SNTG2: variants seen among roughly 807,000 people sequenced by gnomAD.
SNTG2 encodes gamma-2-syntrophin.
In SNTG2, 74 loss-of-function variants were observed where a neutral mutation model predicts 70.9. The observed-to-expected ratio is 1.04, with a 90% CI of 0.86 to 1.27. The LOEUF (loss-of-function observed/expected upper bound fraction) is 1.27, where lower values mean the gene tolerates loss of function less well. Ranked by LOEUF, SNTG2 falls within the 50% of genes most tolerant of loss-of-function variation. SNTG2 has a pLI of 0.00. For missense variants in SNTG2, 717 were observed against 690.7 expected (o/e 1.04, Z -0.43); for synonymous variants, 278 against 273.8 (o/e 1.02, Z -0.15).
rs4971364 is a variant in SNTG2, at chr2:1,156,904, T to G, written c.412-8644T>G. On this transcript the variant is annotated intron_variant, in intron 6 of 16. Coordinates refer to ENST00000308624, the MANE Select transcript of SNTG2 (RefSeq NM_018968.4). The stretch of plus-strand genomic sequence containing the variant: ...AACAGAGGTTTCCACGGTGATTGGA[T>G]GTGTGGCTGAGGAAGGTGGACAGTG... Among the ~76,000 whole-genome samples the G allele has an allele frequency of 2.6e-5, 4 of 151,592 alleles. No individual in the cohort carries two copies. The South Asian group carries it at 6.2e-4, about 24-fold the overall frequency.
intron 6 of SNTG2, among the ~76,000 whole-genome samples, chr2:1,144,255 G>A (rs1233789233): frequency 6.6e-6 from 1 of 152,034 alleles, no homozygotes; most frequent in Non-Finnish European, 1.5e-5. Flanking sequence ...AGTTGACAAC[G>A]GACAACCCAC....
intron 1 of SNTG2, among the ~76,000 whole-genome samples, chr2:1,036,313 T>A (rs1020986273): frequency 7.9e-5 from 12 of 152,150 alleles, no homozygotes; most frequent in Non-Finnish European, 1.5e-4. Flanking sequence ...ATAGCAGGAA[T>A]CACTTCCTCT....
intron 2 of SNTG2, among the ~76,000 whole-genome samples, chr2:1,095,817 C>G (rs1274280330): frequency 4.6e-5 from 7 of 152,152 alleles, no homozygotes; most frequent in Non-Finnish European, 1.0e-4. Flanking sequence ...TTCAGAAATT[C>G]CATACAGAGA....
chr2:1,171,234 A>G (rs1209503692), intron 7 of SNTG2, among the ~76,000 whole-genome samples: 2 of 152,210 alleles, frequency 1.3e-5, no homozygotes, highest in South Asian at 2.1e-4. Context: ...CAAGATACCT[A>G]TTCATCAGAA....
intron 1 of SNTG2, among the ~76,000 whole-genome samples, chr2:1,027,738 T>C (rs7578462): frequency 0.43 from 7,794 of 18,150 alleles, 2,459 homozygotes; most frequent in African/African-American, 0.8. Flanking sequence ...AGTAGGTCAG[T>C]AGGTGCATCA....
chr2:1,060,046 T>C (rs1271572539), intron 1 of SNTG2, among the ~76,000 whole-genome samples: 1 of 152,186 alleles, frequency 6.6e-6, no homozygotes, highest in African/African-American at 2.4e-5. Context: ...AGGATTACAT[T>C]TTATCCCTAC....
At chr2:1,203,561 C>T (rs564037867) in intron 8 of SNTG2, among the ~76,000 whole-genome samples, 16 of 150,758 alleles carry the variant, frequency 1.1e-4, no homozygotes, top group Admixed American at 2.6e-4. Context: ...GGCTGGGGCA[C>T]GAGAATTGTT....
At chr2:1,303,911 C>A (rs1680565982) in intron 14 of SNTG2, among the ~76,000 whole-genome samples, 1 of 152,236 alleles carries the variant, frequency 6.6e-6, no homozygotes, top group South Asian at 2.1e-4. Context: ...AACTCCATCA[C>A]TGTAGAGTCT....
intron 4 of SNTG2, among the ~76,000 whole-genome samples, chr2:1,111,797 G>A (rs1246444475): frequency 2.0e-5 from 3 of 152,232 alleles, no homozygotes; most frequent in Non-Finnish European, 4.4e-5. Flanking sequence ...AAGATCGTGT[G>A]TACTAAGTGA....
At chr2:1,193,028 A>G (rs1031158633) in intron 8 of SNTG2, among the ~76,000 whole-genome samples, 1 of 152,196 alleles carries the variant, frequency 6.6e-6, no homozygotes, top group African/African-American at 2.4e-5. Flanking sequence ...AGACCCCTCT[A>G]TGAGGGGCTC....
At chr2:1,221,493 C>CTCTGTCTCTG (rs1674848830) in intron 9 of SNTG2, among the ~76,000 whole-genome samples, 1 of 16,812 alleles carries the variant, frequency 5.9e-5, no homozygotes, top group Non-Finnish European at 1.4e-4. Context: ...CTCTCTGTCT[C>CTCTGTCTCTG]TCTCTGTCTC....
At chr2:1,168,071 A>G (rs1298088696) in intron 7 of SNTG2, among the ~76,000 whole-genome samples, 1 of 138,108 alleles carries the variant, frequency 7.2e-6, no homozygotes, top group African/African-American at 2.9e-5. Flanking sequence ...CACAGACGGC[A>G]GAACTGAAAC....
At chr2:1,163,456 G>A (rs1670475801) in intron 6 of SNTG2, 1 of 151,670 alleles carries the variant, frequency 6.6e-6, no homozygotes, top group Admixed American at 6.6e-5. Flanking sequence ...CTCCCAACAG[G>A]AGGTGGGTGT....
At chr2:1,113,132 C>G (rs1340857403) in intron 4 of SNTG2, among the ~76,000 whole-genome samples, 1 of 150,768 alleles carries the variant, frequency 6.6e-6, no homozygotes, top group Non-Finnish European at 1.5e-5. Context: ...AGGTTTAACC[C>G]TTACAGTCCT....
At chr2:1,237,374 T>C (rs1271134398) in intron 9 of SNTG2, among the ~76,000 whole-genome samples, 5 of 152,076 alleles carry the variant, frequency 3.3e-5, no homozygotes, top group African/African-American at 1.2e-4. Flanking sequence ...TTTGAGACGG[T>C]TGGTTGTTAA....
At chr2:1,288,196 A>G (rs1679844494) in intron 14 of SNTG2, among the ~76,000 whole-genome samples, 1 of 152,188 alleles carries the variant, frequency 6.6e-6, no homozygotes, top group Admixed American at 6.5e-5. Flanking sequence ...TTTGGGCGGC[A>G]CTTATGTTCT....
intron 1 of SNTG2, among the ~76,000 whole-genome samples, chr2:1,066,499 T>C (rs1191200841): frequency 6.6e-6 from 1 of 151,968 alleles, no homozygotes; most frequent in Non-Finnish European, 1.5e-5. Context: ...TTCAGAAAGC[T>C]GTAGTGGTCA....
chr2:1,324,502 G>A (rs1168258668), intron 16 of SNTG2, among the ~76,000 whole-genome samples: 1 of 152,190 alleles, frequency 6.6e-6, no homozygotes, highest in Non-Finnish European at 1.5e-5. Context: ...AAAACTTCAT[G>A]AATAAAATTA....
At chr2:1,222,119 C>CTGCCTA (rs1228556001) in intron 9 of SNTG2, among the ~76,000 whole-genome samples, 4 of 107,666 alleles carry the variant, frequency 3.7e-5, no homozygotes, top group African/African-American at 1.4e-4. Flanking sequence ...CTCTCTGTCT[C>CTGCCTA]TCTCTGTCTC....
Sources: gnomAD v4.1 joint callset for allele counts (sites outside exome capture counted in the v4.1 genomes callset) on GRCh38, gnomAD v4.1.1 for gene constraint, MANE v1.5 for transcripts, NCBI Gene and HGNC (gene_info 2026-07-23, HGNC 2026-07-21) for gene names.